RAB20: variants seen among roughly 807,000 people sequenced by gnomAD.
The protein encoded by RAB20 is RAB20, member RAS oncogene family.
RAB20 carries 2 observed loss-of-function variants against 3.7 expected under a neutral mutation model. The observed-to-expected ratio is 0.54, with a 90% CI of 0.22 to 1.69. The LOEUF (loss-of-function observed/expected upper bound fraction) is 1.69. Ranked by LOEUF, RAB20 falls within the 40% of genes most tolerant of loss-of-function variation. RAB20 has a pLI of 0.19. For synonymous variants in RAB20, 126 were observed against 130.8 expected (o/e 0.96, Z 0.25); for missense variants, 276 against 311.9 (o/e 0.88, Z 0.87).
At chr13:110,558,922 TC>T (rs1341588748) in intron 1 of RAB20, among the ~76,000 whole-genome samples, 4 of 149,652 alleles carry the variant, frequency 2.7e-5, no homozygotes, top group Non-Finnish European at 5.9e-5. Flanking sequence ...GGTCTTGATC[TC>T]TTGACCTCGT....
chr13:110,526,930 C>T (rs1884440038), intron 1 of RAB20, among the ~76,000 whole-genome samples: 1 of 152,170 alleles, frequency 6.6e-6, no homozygotes, highest in Non-Finnish European at 1.5e-5. Context: ...CGCACTTGGG[C>T]ATAGTGTTCT....
intron 1 of RAB20, among the ~76,000 whole-genome samples, chr13:110,539,984 G>A (rs1039030648): frequency 6.6e-6 from 1 of 152,210 alleles, no homozygotes; most frequent in African/African-American, 2.4e-5. Context: ...ATCACTAACT[G>A]CAGGTAGAGT....
chr13:110,554,814 A>G (rs529213072), intron 1 of RAB20, among the ~76,000 whole-genome samples: 1 of 152,324 alleles, frequency 6.6e-6, no homozygotes, highest in African/African-American at 2.4e-5. Flanking sequence ...GAGGGCCTGG[A>G]GAACCTGAGA....
chr13:110,541,682 CT>C (rs1330693220), intron 1 of RAB20, among the ~76,000 whole-genome samples: 1 of 152,188 alleles, frequency 6.6e-6, no homozygotes, highest in Non-Finnish European at 1.5e-5. Context: ...CTTCGCCTGC[CT>C]GGGGCTCAGC....
Position 110,524,117 on chromosome 13 carries a change from G to A in RAB20, c.253C>T (p.Arg85Trp), listed in dbSNP as rs758872855. The A allele has an allele frequency of 6.8e-6, 11 of 1,612,306 alleles. No individual in the cohort carries two copies. The highest frequency in any genetic ancestry group is 5.0e-5 in the Admixed American group (3 of 60,032). Reference sequence around the variant, plus strand: ...TCCTCCAGCTCCACCAGGCTCTGCCGGTGATTCACATCATAGGTGAGGATG... The same window carrying A: ...TCCTCCAGCTCCACCAGGCTCTGCCAGTGATTCACATCATAGGTGAGGATG... ...AIILTYDVNH[R>W]QSLVELEDRF... Residue 85 changes from arginine to tryptophan, a missense_variant, in exon 2 of 2, where the codon CGG becomes TGG. By Grantham distance (101) the Arg-to-Trp change is moderately radical. Coordinates refer to ENST00000267328, the MANE Select transcript of RAB20 (RefSeq NM_017817.3).
intron 1 of RAB20, among the ~76,000 whole-genome samples, chr13:110,525,393 G>GT (rs147412498): frequency 0.013 from 1,954 of 152,294 alleles, 43 homozygotes; most frequent in African/African-American, 0.044. Flanking sequence ...CTCCCCACAG[G>GT]TAACACCTGC....
intron 1 of RAB20, among the ~76,000 whole-genome samples, chr13:110,558,988 G>A (rs141875177): frequency 0.013 from 2,021 of 152,234 alleles, 63 homozygotes; most frequent in African/African-American, 0.047. Context: ...GAGCCACCAC[G>A]CCTGGCCCCA....
chr13:110,552,538 A>C (rs1420700775), intron 1 of RAB20, among the ~76,000 whole-genome samples: 2 of 150,162 alleles, frequency 1.3e-5, no homozygotes, highest in African/African-American at 2.5e-5. Flanking sequence ...CTAAAAATAC[A>C]AAAAATTAGC....
intron 1 of RAB20, among the ~76,000 whole-genome samples, chr13:110,542,692 TACC>T (rs1327453765): frequency 2.6e-5 from 4 of 152,236 alleles, no homozygotes; most frequent in African/African-American, 7.2e-5. Flanking sequence ...GGTGTATATT[TACC>T]ACATTTTCTT....
intron 1 of RAB20, among the ~76,000 whole-genome samples, chr13:110,538,546 T>C (rs1339271026): frequency 1.5e-5 from 2 of 132,790 alleles, no homozygotes; most frequent in Non-Finnish European, 1.5e-5. Flanking sequence ...GCAGAGGTTG[T>C]AGTGAGCTAT....
At chr13:110,526,559 G>C (rs942642196) in intron 1 of RAB20, among the ~76,000 whole-genome samples, 2 of 152,074 alleles carry the variant, frequency 1.3e-5, no homozygotes, top group Admixed American at 6.5e-5. Context: ...CACTAGCAAG[G>C]GCTCTTAACC....
intron 1 of RAB20, among the ~76,000 whole-genome samples, chr13:110,558,382 T>C (rs1231449274): frequency 8.6e-6 from 1 of 115,980 alleles, no homozygotes; most frequent in African/African-American, 4.2e-5. Flanking sequence ...TCTTCCCACT[T>C]TTTTTTTTTT....
chr13:110,524,246 C>T (rs1884390185), intron 1 of RAB20, 49 bp from the exon 2 acceptor site: 2 of 1,522,174 alleles, frequency 1.3e-6, no homozygotes, highest in African/African-American at 1.4e-5. Context: ...CATCTCAGAA[C>T]ATAGCCACCA....
At chr13:110,560,963 C>T (rs1399607433) in intron 1 of RAB20, among the ~76,000 whole-genome samples, 2 of 152,192 alleles carry the variant, frequency 1.3e-5, no homozygotes, top group Non-Finnish European at 2.9e-5. Flanking sequence ...ACCAGCTCTG[C>T]TCACCCCTCA....
At position 110,561,452 on chromosome 13, in the gene RAB20, T is replaced by C. The variant is rs772508812; in HGVS notation, c.68A>G (p.Gln23Arg). 6.2e-7 allele frequency: 1 copy of C among 1,605,236 alleles called. No homozygotes were observed. The highest frequency in any genetic ancestry group is 2.3e-5 in the East Asian group (1 of 43,314). The change falls in exon 1 of 2, where the codon CAG becomes CGG. Residue 23 changes from glutamine to arginine, a missense_variant. Gln to Arg is a conservative substitution (Grantham distance 43). Transcript: ENST00000267328. The part of the protein sequence containing the change: ...DMNVGKTSLL[Q>R]RYMERRFPDT... ...CGGGAAGCGCCGCTCCATATACCGC[T>C]GCAGCAGCGACGTCTTCCCCACGTT...
In RAB20 at chr13:110,555,117, T is replaced by C. The variant is rs1291167072; in HGVS notation, c.172+6231A>G. Among the ~76,000 whole-genome samples the C allele has an allele frequency of 1.3e-5, 2 of 152,104 alleles. No individual in the cohort carries two copies. The highest frequency in any genetic ancestry group is 2.4e-5 in the African/African-American group (1 of 41,402). ...GTGAAAAGGATGTAGCCCGGGAGTA[T>C]GGAGCCTGCACAGAGCCTGGCACGT... On this transcript the variant is annotated intron_variant, in intron 1 of 1. Coordinates refer to ENST00000267328, the MANE Select transcript of RAB20 (RefSeq NM_017817.3). The surrounding 1 kb of genome is among the most constrained non-coding windows in gnomAD (Gnocchi z 4.0).
At chr13:110,560,431 AT>A (rs1187867508) in intron 1 of RAB20, among the ~76,000 whole-genome samples, 1 of 152,190 alleles carries the variant, frequency 6.6e-6, no homozygotes, top group Non-Finnish European at 1.5e-5. Flanking sequence ...CAAGATGGCA[AT>A]TTAAGAATTC....
At chr13:110,541,526 A>T (rs1394277278) in intron 1 of RAB20, among the ~76,000 whole-genome samples, 1 of 152,222 alleles carries the variant, frequency 6.6e-6, no homozygotes, top group Non-Finnish European at 1.5e-5. Context: ...ATTCGCTAGA[A>T]GATTTCCAGT....
At chr13:110,553,012 T>C (rs1884983339) in intron 1 of RAB20, among the ~76,000 whole-genome samples, 1 of 152,236 alleles carries the variant, frequency 6.6e-6, no homozygotes, top group Non-Finnish European at 1.5e-5. Context: ...TGTCCACTCC[T>C]GCTGAGGCCA....
Sources: gnomAD v4.1 joint callset for allele counts (sites outside exome capture counted in the v4.1 genomes callset) on GRCh38, gnomAD v4.1.1 for gene constraint, Gnocchi (gnomAD v3.1) non-coding constraint, MANE v1.5 for transcripts, NCBI Gene and HGNC (gene_info 2026-07-23, HGNC 2026-07-21) for gene names.